Variants in PBX3 observed in about 807,000 individuals in gnomAD.
The protein encoded by PBX3 is PBX homeobox 3, also known as pre-B-cell leukemia transcription factor 3.
Under a neutral mutation model 48.5 loss-of-function variants are expected in PBX3, and 14 were observed. The ratio of observed to expected loss-of-function variants is 0.29; its 90% CI spans 0.19 to 0.45. The LOEUF is 0.45. Ranked by LOEUF, PBX3 falls within the 20% of genes least tolerant of loss-of-function variation. PBX3 has a pLI of 1.00. For synonymous variants in PBX3, 210 were observed against 200.3 expected, an observed-to-expected ratio of 1.05 and a Z score of -0.41; for missense variants, 386 against 546.7, an observed-to-expected ratio of 0.71 and a Z score of 2.93.
chr9:125,807,923 C>A (rs1838174768), intron 2 of PBX3, among the ~76,000 whole-genome samples: 1 of 152,082 alleles, frequency 6.6e-6, no homozygotes, highest in Non-Finnish European at 1.5e-5. Context: ...GTGTATACAT[C>A]AGTTTTTAAT....
intron 2 of PBX3, among the ~76,000 whole-genome samples, chr9:125,884,658 C>A (rs1188349707): frequency 6.6e-6 from 1 of 152,094 alleles, no homozygotes; most frequent in African/African-American, 2.4e-5. Flanking sequence ...AAGACTGAGA[C>A]TGTAAAAATT....
At chr9:125,943,956 T>C (rs1458390815) in intron 5 of PBX3, among the ~76,000 whole-genome samples, 2 of 152,194 alleles carry the variant, frequency 1.3e-5, no homozygotes, top group Non-Finnish European at 2.9e-5. Flanking sequence ...GTGACCTCAC[T>C]CTTCTCCCTT....
chr9:125,842,094 T>C (rs1839304236), intron 2 of PBX3, among the ~76,000 whole-genome samples: 1 of 152,194 alleles, frequency 6.6e-6, no homozygotes, highest in Non-Finnish European at 1.5e-5. Flanking sequence ...TTTGATCAAG[T>C]GTCAATTTGT....
intron 2 of PBX3, among the ~76,000 whole-genome samples, chr9:125,749,925 A>T (rs189233389): frequency 6.4e-4 from 97 of 152,334 alleles, no homozygotes; most frequent in Non-Finnish European, 1.0e-3. Flanking sequence ...GTTTTCATTC[A>T]CATATTATGG....
At chr9:125,772,136 T>TG (rs1836956330) in intron 2 of PBX3, among the ~76,000 whole-genome samples, 1 of 152,206 alleles carries the variant, frequency 6.6e-6, no homozygotes, top group Non-Finnish European at 1.5e-5. Flanking sequence ...GTTACGTGTC[T>TG]GGGATAAGTA....
chr9:125,932,597 C>T lies in PBX3; in HGVS notation c.707+2752C>T, dbSNP rs145392560. On this transcript the variant is annotated intron_variant, in intron 4 of 8. Transcript: ENST00000373489. ...TCAGGGTTAGAGAGGTAGCATCAGA[C>T]GACAAAAAACATTTTAAAATTATTT... is the stretch of plus-strand genomic sequence containing the variant. Among the ~76,000 whole-genome samples the T allele has an allele frequency of 3.3e-3, 505 of 152,044 alleles. 2 individuals are homozygous for T. Among genetic ancestry groups the T allele is most frequent in the Middle Eastern group, 6.8e-3 (2 of 294 alleles).
intron 2 of PBX3, among the ~76,000 whole-genome samples, chr9:125,835,252 T>C (rs1426784748): frequency 6.6e-6 from 1 of 152,090 alleles, no homozygotes; most frequent in African/African-American, 2.4e-5. Flanking sequence ...ATGTTTGAAA[T>C]TGCAGTATTA....
At chr9:125,965,744 C>G (rs761115275) in intron 8 of PBX3, 87 bp from the exon 9 acceptor site, 83 of 971,108 alleles carry the variant, frequency 8.5e-5, no homozygotes, top group African/African-American at 1.6e-4. Flanking sequence ...TGCATCTCTG[C>G]TCTCATGTTG....
intron 5 of PBX3, among the ~76,000 whole-genome samples, chr9:125,936,406 G>C (rs1841837189): frequency 6.6e-6 from 1 of 152,152 alleles, no homozygotes; most frequent in Admixed American, 6.6e-5. Flanking sequence ...TTTATAGCAT[G>C]CAAAAGCAGT....
chr9:125,888,320 A>C (rs1840549728), intron 2 of PBX3, among the ~76,000 whole-genome samples: 2 of 152,128 alleles, frequency 1.3e-5, no homozygotes, highest in Non-Finnish European at 2.9e-5. Flanking sequence ...TATTGTACCT[A>C]TATTTAATTA....
chr9:125,875,720 T>G (rs1337731267), intron 2 of PBX3, among the ~76,000 whole-genome samples: 1 of 152,178 alleles, frequency 6.6e-6, no homozygotes, highest in Non-Finnish European at 1.5e-5. Context: ...TACTCAAACA[T>G]TTAATTATTC....
At chr9:125,807,439 T>C (rs1193723899) in intron 2 of PBX3, among the ~76,000 whole-genome samples, 2 of 152,210 alleles carry the variant, frequency 1.3e-5, no homozygotes, top group African/African-American at 2.4e-5. Context: ...GAAGCAAGTG[T>C]TGAGCATGAG....
Position 125,849,855 on chromosome 9 carries a change from C to A in PBX3, c.275-65831C>A, listed in dbSNP as rs374463181. Among the ~76,000 whole-genome samples, 15 of 152,044 alleles carry A rather than the reference C, an allele frequency of 9.9e-5. No homozygotes were observed. In the South Asian group the frequency reaches 2.9e-3, roughly 29 times the overall value. On this transcript the variant is annotated intron_variant, in intron 2 of 8. Transcript: ENST00000373489. ...CTTATACTTAACAATTACCATGCAG[C>A]TTTAACGTTTTTACTTAATCAACAG...
intron 5 of PBX3, among the ~76,000 whole-genome samples, chr9:125,940,983 T>C (rs1841948062): frequency 6.6e-6 from 1 of 152,200 alleles, no homozygotes; most frequent in Non-Finnish European, 1.5e-5. Context: ...AAAGTTTACT[T>C]TCATAACAAA....
chr9:125,760,769 C>T (rs935386560), intron 2 of PBX3, among the ~76,000 whole-genome samples: 5 of 152,144 alleles, frequency 3.3e-5, no homozygotes, highest in African/African-American at 1.2e-4. Flanking sequence ...CCTACAAGTA[C>T]ACTGAATATG....
intron 2 of PBX3, among the ~76,000 whole-genome samples, chr9:125,779,399 C>T (rs1837175911): frequency 1.5e-5 from 2 of 134,212 alleles, no homozygotes; most frequent in Non-Finnish European, 1.6e-5. Context: ...GGCAGAGGAC[C>T]CTGCGGCCTT....
At chr9:125,909,326 A>G (rs890571427) in intron 2 of PBX3, among the ~76,000 whole-genome samples, 1 of 152,176 alleles carries the variant, frequency 6.6e-6, no homozygotes, top group African/African-American at 2.4e-5. Context: ...CAAAGAGAAA[A>G]TATAATGAAA....
At chr9:125,834,232 AG>A (rs1839052481) in intron 2 of PBX3, among the ~76,000 whole-genome samples, 1 of 152,168 alleles carries the variant, frequency 6.6e-6, no homozygotes, top group African/African-American at 2.4e-5. Context: ...TAGTTTGGGA[AG>A]GTTTCTGTAA....
Position 125,811,073 on chromosome 9 carries a change from A to G in PBX3, c.274+62450A>G, listed in dbSNP as rs74563123. ...AGCTCCCATCTCTTCATGGTTCCTT[A>G]GCCTCTTTCTTTAAATCCATATTTA... is the stretch of plus-strand genomic sequence containing the variant. On this transcript the variant is annotated intron_variant, in intron 2 of 8. Transcript: ENST00000373489. Among the ~76,000 whole-genome samples, 215 of 152,260 alleles carry G rather than the reference A, an allele frequency of 1.4e-3. 2 individuals carry two copies. The highest frequency in any genetic ancestry group is 4.7e-3 in the African/African-American group (195 of 41,544).
Sources: gnomAD v4.1 joint callset for allele counts (sites outside exome capture counted in the v4.1 genomes callset) on GRCh38, gnomAD v4.1.1 for gene constraint, MANE v1.5 for transcripts, NCBI Gene and HGNC (gene_info 2026-07-23, HGNC 2026-07-21) for gene names.